The following DNAJC15 variants were observed in gnomAD, a reference collection of about 807,000 sequenced individuals.
DNAJC15 encodes the protein dnaJ homolog subfamily C member 15.
A neutral mutation model predicts 22.4 loss-of-function variants in DNAJC15; 27 were observed. The ratio of observed to expected loss-of-function variants is 1.20; its 90% confidence interval spans 0.89 to 1.66. The LOEUF (loss-of-function observed/expected upper bound fraction) is 1.66. Among genes scored for constraint, DNAJC15 ranks in the 40% most tolerant of loss-of-function variants. DNAJC15 has a pLI of 0.00. For synonymous variants in DNAJC15, 79 were observed against 63.2 expected (o/e 1.25, Z -1.19); for missense variants, 208 against 187.1 (o/e 1.11, Z -0.65).
intron 5 of DNAJC15, among the ~76,000 whole-genome samples, chr13:43,106,330 G>A (rs2040796763): frequency 6.6e-6 from 1 of 152,150 alleles, no homozygotes; most frequent in African/African-American, 2.4e-5. Context: ...AGGACTAGAA[G>A]TTAGAAGGTA....
intron 1 of DNAJC15, among the ~76,000 whole-genome samples, chr13:43,040,470 A>C (rs1212059083): frequency 1.3e-5 from 2 of 152,176 alleles, no homozygotes; most frequent in East Asian, 3.8e-4. Context: ...TTGACTTTAC[A>C]TTTTACAAGT....
intron 5 of DNAJC15, among the ~76,000 whole-genome samples, chr13:43,096,874 G>A (rs1183442239): frequency 6.6e-6 from 1 of 152,204 alleles, no homozygotes; most frequent in Admixed American, 6.5e-5. Flanking sequence ...AGTCCACCAA[G>A]TGAAGAAGAC....
intron 1 of DNAJC15, among the ~76,000 whole-genome samples, chr13:43,053,482 G>C (rs2040515144): frequency 6.6e-6 from 1 of 152,110 alleles, no homozygotes; most frequent in Non-Finnish European, 1.5e-5. Context: ...TGAGTTTGTA[G>C]ATTGCTTTTG....
chr13:43,028,647 C>T (rs1446176726), intron 1 of DNAJC15, among the ~76,000 whole-genome samples: 2 of 152,160 alleles, frequency 1.3e-5, no homozygotes, highest in Non-Finnish European at 1.5e-5. Context: ...ATTTCACATC[C>T]CCTACATTGC....
At chr13:43,088,623 A>T (rs1279012559) in intron 5 of DNAJC15, among the ~76,000 whole-genome samples, 1 of 152,200 alleles carries the variant, frequency 6.6e-6, no homozygotes, top group Non-Finnish European at 1.5e-5. Flanking sequence ...AAATATTGGG[A>T]TCAAAAACAA....
At chr13:43,103,215 A>G (rs1033888877) in intron 5 of DNAJC15, among the ~76,000 whole-genome samples, 1 of 152,162 alleles carries the variant, frequency 6.6e-6, no homozygotes, top group Admixed American at 6.5e-5. Context: ...GTTTAATTCT[A>G]CTATGGTCAG....
chr13:43,072,915 G>C (rs983354986), intron 3 of DNAJC15, among the ~76,000 whole-genome samples: 2 of 151,874 alleles, frequency 1.3e-5, no homozygotes, highest in Non-Finnish European at 2.9e-5. Context: ...TCTTTTTTCT[G>C]GCAACCCATT....
chr13:43,099,111 C>T lies in DNAJC15; in HGVS notation c.383-8067C>T, dbSNP rs187171085. ...GTTTACAAGTCTGAGTTTTGGACTTCTTTTGTTAAGTTTATTCCTATTTTA... is the reference window on the plus strand; with the variant it reads ...GTTTACAAGTCTGAGTTTTGGACTTTTTTTGTTAAGTTTATTCCTATTTTA... On this transcript the variant is annotated intron_variant, in intron 5 of 5. Transcript: ENST00000379221. 1.2e-3 allele frequency among the ~76,000 whole-genome samples: 184 copies of T among 151,888 alleles called. 5 individuals are homozygous for T. In the South Asian group the frequency reaches 0.014, roughly 12 times the overall value.
At chr13:43,096,969 T>C (rs369118704) in intron 5 of DNAJC15, among the ~76,000 whole-genome samples, 12 of 152,180 alleles carry the variant, frequency 7.9e-5, no homozygotes, top group African/African-American at 2.9e-4. Context: ...CATCCTGGAC[T>C]ACCCAGCTCA....
intron 3 of DNAJC15, among the ~76,000 whole-genome samples, chr13:43,073,955 C>T (rs9594877): frequency 4.9e-4 from 66 of 135,650 alleles, no homozygotes; most frequent in Non-Finnish European, 8.4e-4. Flanking sequence ...AAAACCCATC[C>T]TTCTTCTTTT....
At chr13:43,096,678 A>T (rs1039545432) in intron 5 of DNAJC15, among the ~76,000 whole-genome samples, 1 of 152,240 alleles carries the variant, frequency 6.6e-6, no homozygotes, top group African/African-American at 2.4e-5. Flanking sequence ...TTGGTAGTTT[A>T]AAAATGGCCA....
intron 5 of DNAJC15, among the ~76,000 whole-genome samples, 166 bp downstream of exon 5, chr13:43,086,004 C>G (rs1394564469): frequency 6.6e-6 from 1 of 152,176 alleles, no homozygotes; most frequent in Non-Finnish European, 1.5e-5. Context: ...CAGTGATTCA[C>G]ACAAGTAGTG....
At chr13:43,101,746 G>A (rs929798821) in intron 5 of DNAJC15, among the ~76,000 whole-genome samples, 1 of 152,148 alleles carries the variant, frequency 6.6e-6, no homozygotes, top group African/African-American at 2.4e-5. Flanking sequence ...CATCCAGATA[G>A]TTGCAAATGC....
chr13:43,068,230 A>C (rs2040592580), intron 2 of DNAJC15, among the ~76,000 whole-genome samples: 1 of 152,112 alleles, frequency 6.6e-6, no homozygotes, highest in Non-Finnish European at 1.5e-5. Flanking sequence ...GTAGCTAGAT[A>C]ATATTTTACT....
intron 5 of DNAJC15, among the ~76,000 whole-genome samples, chr13:43,099,717 T>G (rs2040757965): frequency 6.6e-6 from 1 of 152,168 alleles, no homozygotes; most frequent in Non-Finnish European, 1.5e-5. Flanking sequence ...TGCATCCCTG[T>G]GTTAAATCCC....
In DNAJC15 at chr13:43,109,862, AAAG is replaced by A. The variant is rs1054297575; in HGVS notation, c.*2617_*2619del. 4.8e-4 allele frequency: 68 copies of A among 142,570 alleles called. No individual in the cohort carries two copies. The highest frequency in any genetic ancestry group is 1.5e-3 in the African/African-American group (62 of 41,020). 8.8% of individuals were successfully genotyped at this position (142,570 alleles called of 1,614,324 possible). A position where few individuals can be genotyped will look rare whatever the true frequency, so the allele number is the denominator to read the frequency against. On this transcript the variant is annotated 3_prime_UTR_variant, in exon 6 of 6. Coordinates refer to ENST00000379221, the MANE Select transcript of DNAJC15 (RefSeq NM_013238.3). ...TGCCCTAGAACTTAAAGTATAATAA[AAAG>A]AAATTTTAAAAAATCCTGTCAAATA... is the stretch of plus-strand genomic sequence containing the variant.
chr13:43,108,324 T>A lies in DNAJC15; in HGVS notation c.*1076T>A, dbSNP rs73476126. 6.6e-6 allele frequency: 1 copy of A among 152,142 alleles called. No homozygotes were observed. Among genetic ancestry groups the A allele is most frequent in the Admixed American group, 6.6e-5 (1 of 15,264 alleles). 9.4% of individuals were successfully genotyped at this position (152,142 alleles called of 1,614,324 possible). On this transcript the variant is annotated 3_prime_UTR_variant, in exon 6 of 6. Transcript: ENST00000379221. ...GTGCAGGGTTTCTGGAAAGCAAGGT[T>A]TGGACAGAGTGGTCATCAAAGGCCA...
Position 43,112,431 on chromosome 13 carries a change from A to G in DNAJC15, c.*5183A>G, listed in dbSNP as rs1593337141. On this transcript the variant is annotated 3_prime_UTR_variant, in exon 6 of 6. Transcript: ENST00000379221. ...CACTCAGGCTAGATGTTGGCCATAA[A>G]TTTCAAATTAGTATCTCAACTTAGC... The G allele has an allele frequency of 6.6e-6, 1 of 152,324 alleles. No homozygotes were observed. Among genetic ancestry groups the G allele is most frequent in the Middle Eastern group, 3.4e-3 (1 of 294 alleles). 9.4% of individuals were successfully genotyped at this position (152,324 alleles called of 1,614,324 possible).
chr13:43,079,547 A>C (rs1436185720), intron 4 of DNAJC15, among the ~76,000 whole-genome samples: 1 of 152,172 alleles, frequency 6.6e-6, no homozygotes, highest in African/African-American at 2.4e-5. Flanking sequence ...CTTACCAGAC[A>C]ATAGAAAATA....
Sources: gnomAD v4.1 joint callset for allele counts (sites outside exome capture counted in the v4.1 genomes callset) on GRCh38, gnomAD v4.1.1 for gene constraint, MANE v1.5 for transcripts, NCBI Gene and HGNC (gene_info 2026-07-23, HGNC 2026-07-21) for gene names.